The following ADGRG6 variants were observed in gnomAD, a reference collection of about 807,000 sequenced individuals.
ADGRG6 encodes the protein G-protein coupled receptor 126.
In ADGRG6, 84 loss-of-function variants were observed where a neutral mutation model predicts 142.4. That is an observed-to-expected ratio of 0.59 (90% CI 0.49 to 0.71). ADGRG6 has a LOEUF of 0.71. ADGRG6 is among the 30% of genes least tolerant of loss of function. The pLI, the probability that ADGRG6 is intolerant of heterozygous loss-of-function variation, is 0.00. For synonymous variants in ADGRG6, 521 were observed against 520.5 expected (o/e 1.00, Z -0.01); for missense variants, 1,367 against 1,466.6 (o/e 0.93, Z 1.11).
chr6:142,310,134 A>G (rs1582955331), intron 2 of ADGRG6, among the ~76,000 whole-genome samples: 1 of 151,880 alleles, frequency 6.6e-6, no homozygotes, highest in African/African-American at 2.4e-5. Context: ...AATTTACTTG[A>G]TATGAAAGTT....
intron 2 of ADGRG6, 132 bp from the exon 3 acceptor site, chr6:142,367,437 T>C: frequency 1.6e-6 from 1 of 635,058 alleles, no homozygotes; most frequent in Non-Finnish European, 2.7e-6. Flanking sequence ...ATTTTCCATT[T>C]ATTTTTTATG....
In ADGRG6 at chr6:142,417,246, G is replaced by A. The variant is rs148102815; in HGVS notation, c.2939-27G>A. 5.6e-4 allele frequency: 679 copies of A among 1,216,678 alleles called. 6 individuals carry two copies. The African/African-American group carries it at 8.8e-3, about 16-fold the overall frequency. 75.4% of individuals were successfully genotyped at this position (1,216,678 alleles called of 1,614,324 possible). On this transcript the variant is annotated intron_variant, in intron 20 of 24. Coordinates refer to ENST00000367609, the MANE Select transcript of ADGRG6 (RefSeq NM_198569.3). Reference sequence around the variant, plus strand: ...AAGCAGTTTCAGATGCTTCAAAAGAGTTTGTGTCATGGTGTTTTTGTAACA... The same window carrying A: ...AAGCAGTTTCAGATGCTTCAAAAGAATTTGTGTCATGGTGTTTTTGTAACA...
At position 142,414,963 on chromosome 6, in the gene ADGRG6, A is replaced by G. The variant is rs1286711744; in HGVS notation, c.2542-6A>G. 1 of 1,608,616 alleles carries G rather than the reference A, an allele frequency of 6.2e-7. No homozygotes were observed. Among genetic ancestry groups the G allele is most frequent in the Non-Finnish European group, 8.5e-7 (1 of 1,177,434 alleles). ...TTCTTACAGCTGCTCGCCATGTTTT[A>G]TGTAGGACCTTCCAAGAAGTGCCTC... On this transcript the variant is annotated splice_polypyrimidine_tract_variant and splice_region_variant and intron_variant, in intron 18 of 24. Transcript: ENST00000367609.
At chr6:142,326,481 A>T (rs540684688) in intron 2 of ADGRG6, among the ~76,000 whole-genome samples, 2 of 152,068 alleles carry the variant, frequency 1.3e-5, no homozygotes, top group African/African-American at 2.4e-5. Context: ...TTTACAATAT[A>T]CAATAGTGAT....
Position 142,416,028 on chromosome 6 carries a change from C to T in ADGRG6, c.2902C>T (p.Arg968Cys), listed in dbSNP as rs760098162. 7.4e-6 allele frequency: 12 copies of T among 1,612,550 alleles called. No homozygotes were observed. Among genetic ancestry groups the T allele is most frequent in the African/African-American group, 1.3e-5 (1 of 74,874 alleles). Residue 968 changes from arginine (R) to cysteine (C), a missense_variant, in exon 20 of 25, where the codon CGC (arginine) becomes TGC (cysteine). Arg to Cys is a radical substitution (Grantham distance 180). Coordinates refer to ENST00000367609, the MANE Select transcript of ADGRG6 (RefSeq NM_198569.3). ...AGTTAAAGTATTTAACACTTACATT[C>T]GCCGATACATTCTAAAATTCTGCAT... is the stretch of plus-strand genomic sequence containing the variant. ...ALVKVFNTYI[R>C]RYILKFCIIG...
rs1562369256 is a variant in ADGRG6 at position 142,402,837 on chromosome 6, A to T, written c.1955+7A>T. 4 of 1,366,752 alleles carry T rather than the reference A, an allele frequency of 2.9e-6. No individual in the cohort carries two copies. Among genetic ancestry groups the T allele is most frequent in the Non-Finnish European group, 4.0e-6 (4 of 1,005,294 alleles). 84.7% of individuals were successfully genotyped at this position (1,366,752 alleles called of 1,614,324 possible). A position where few individuals can be genotyped will look rare whatever the true frequency, so the allele number is the denominator to read the frequency against. On this transcript the variant is annotated splice_region_variant and intron_variant, in intron 13 of 24. Transcript: ENST00000367609. ...TGCTTGAGTCATCTTCTGAGTAAGT[A>T]TTTTTTTTTTCCTGGAGAGTAAATT...
Position 142,309,656 on chromosome 6 carries a change from C to T in ADGRG6, c.103+12C>T, listed in dbSNP as rs756457427. The T allele has an allele frequency of 6.8e-7, 1 of 1,472,688 alleles. No homozygotes were observed. Among genetic ancestry groups the T allele is most frequent in the Non-Finnish European group, 9.4e-7 (1 of 1,063,340 alleles). 91.2% of individuals were successfully genotyped at this position (1,472,688 alleles called of 1,614,324 possible). A position where few individuals can be genotyped will look rare whatever the true frequency, so the allele number is the denominator to read the frequency against. ...TGTTCCTCACTCAGGTAAGACTCTT[C>T]CTCTTTCACACCTGGAATTTAATCA... On this transcript the variant is annotated intron_variant, in intron 2 of 24. Coordinates refer to ENST00000367609, the MANE Select transcript of ADGRG6 (RefSeq NM_198569.3).
chr6:142,345,140 A>G (rs546066931), intron 2 of ADGRG6, among the ~76,000 whole-genome samples: 6 of 152,220 alleles, frequency 3.9e-5, no homozygotes, highest in African/African-American at 1.2e-4. Flanking sequence ...GTTTTACATG[A>G]CTAAAACATT....
chr6:142,418,225 G>A (rs1776467263), intron 21 of ADGRG6, among the ~76,000 whole-genome samples: 1 of 151,052 alleles, frequency 6.6e-6, no homozygotes, highest in South Asian at 2.1e-4. Flanking sequence ...TTGAATCTGG[G>A]AGGCGGAAGT....
At chr6:142,439,607 GT>G (rs2115205403) in intron 24 of ADGRG6, among the ~76,000 whole-genome samples, 1 of 152,302 alleles carries the variant, frequency 6.6e-6, no homozygotes, top group African/African-American at 2.4e-5. Flanking sequence ...TGTTTAGACA[GT>G]TCTTTAATTC....
At chr6:142,318,212 A>ATATTTATATATTATATATTATATATT (rs1416615266) in intron 2 of ADGRG6, among the ~76,000 whole-genome samples, 2 of 34,978 alleles carry the variant, frequency 5.7e-5, no homozygotes, top group African/African-American at 2.4e-4. Context: ...ATATATATTT[A>ATATTTATATATTATATATTATATATT]TATATTATAT....
rs975766246 is a variant in ADGRG6, at chr6:142,317,625, T to C, written c.103+7981T>C. Among the ~76,000 whole-genome samples, 18 of 143,976 alleles carry C rather than the reference T, an allele frequency of 1.3e-4. No homozygotes were observed. In the Admixed American group the frequency reaches 1.3e-3, roughly 10 times the overall value. 94.5% of individuals were successfully genotyped at this position (143,976 alleles called of 152,430 possible). ...GGCTATGTCATTGTAATATTATAAA[T>C]GAGCGGTGTGTGTGTATTTGGGTGT... On this transcript the variant is annotated intron_variant, in intron 2 of 24. Coordinates refer to ENST00000367609, the MANE Select transcript of ADGRG6 (RefSeq NM_198569.3).
chr6:142,355,157 TG>T (rs1324366484), intron 2 of ADGRG6, among the ~76,000 whole-genome samples: 3 of 152,320 alleles, frequency 2.0e-5, no homozygotes, highest in Non-Finnish European at 4.4e-5. Flanking sequence ...GCAATATATT[TG>T]TATCTAAAAC....
rs1357164281 is a variant in ADGRG6 at position 142,377,893 on chromosome 6, A to T, written c.1070-4058A>T. The stretch of plus-strand genomic sequence containing the variant: ...AATTAAATTTCCTTTTAATTAAATT[A>T]GTCACTTGTATTTATACCATTTTTA... On this transcript the variant is annotated intron_variant, in intron 4 of 24. Coordinates refer to ENST00000367609, the MANE Select transcript of ADGRG6 (RefSeq NM_198569.3). Among the ~76,000 whole-genome samples, 4 of 152,230 alleles carry T rather than the reference A, an allele frequency of 2.6e-5. No individual in the cohort carries two copies. The East Asian group carries it at 7.7e-4, about 29-fold the overall frequency.
rs1441758659 is a variant in ADGRG6 at position 142,318,261 on chromosome 6, ATTATATATATT to A, written c.103+8619_103+8629del. On this transcript the variant is annotated intron_variant, in intron 2 of 24. Transcript: ENST00000367609. ...ATATATTTATATATTATATATATTT[ATTATATATATT>A]TATATTATATATATTTATATATTAT... Among the ~76,000 whole-genome samples, 174 of 68,212 alleles carry A rather than the reference ATTATATATATT, an allele frequency of 2.6e-3. 4 individuals are homozygous for A. The highest frequency in any genetic ancestry group is 0.011 in the African/African-American group (168 of 15,276). The allele number at this position is 68,212 out of a possible 152,430, so 44.7% of individuals were successfully genotyped here. A position where few individuals can be genotyped will look rare whatever the true frequency, so the allele number is the denominator to read the frequency against.
chr6:142,390,035 T>C lies in ADGRG6; in HGVS notation c.1223-223T>C, dbSNP rs568632397. 2.6e-5 allele frequency among the ~76,000 whole-genome samples: 4 copies of C among 151,998 alleles called. No homozygotes were observed. The South Asian group carries it at 8.3e-4, about 31-fold the overall frequency. On this transcript the variant is annotated intron_variant, in intron 6 of 24. Coordinates refer to ENST00000367609, the MANE Select transcript of ADGRG6 (RefSeq NM_198569.3). ...TAATAAGAGTAAGCTAATTGATAAC[T>C]ATTTCTAAGAAGTTGGAAGGTCAAT...
chr6:142,430,492 C>T (rs150059679), intron 22 of ADGRG6, among the ~76,000 whole-genome samples: 2,431 of 152,246 alleles, frequency 0.016, 61 homozygotes, highest in African/African-American at 0.05. Context: ...GATATGAGAA[C>T]ATCCCTTTGG....
intron 2 of ADGRG6, among the ~76,000 whole-genome samples, chr6:142,344,486 C>T (rs1441472077): frequency 1.3e-5 from 2 of 151,882 alleles, no homozygotes. Context: ...CTTACAAACA[C>T]ATTTTAAAGA....
In ADGRG6 at chr6:142,325,299, C is replaced by T. The variant is rs59507811; in HGVS notation, c.103+15655C>T. Among the ~76,000 whole-genome samples, 366 of 152,204 alleles carry T rather than the reference C, an allele frequency of 2.4e-3. 3 individuals carry two copies. The highest frequency in any genetic ancestry group is 8.4e-3 in the African/African-American group (351 of 41,542). ...GCCCTCCACTGTAATCACCTTCCTCCGGGTTCCCATAGGAGAGAAGTGCTA... is the reference window on the plus strand; with the variant it reads ...GCCCTCCACTGTAATCACCTTCCTCTGGGTTCCCATAGGAGAGAAGTGCTA... On this transcript the variant is annotated intron_variant, in intron 2 of 24. Transcript: ENST00000367609.
Sources: allele counts gnomAD v4.1 joint callset (sites outside exome capture counted in the v4.1 genomes callset), GRCh38; gene constraint gnomAD v4.1.1; transcripts MANE v1.5; gene names NCBI Gene and HGNC (gene_info 2026-07-23, HGNC 2026-07-21).